The following PCDH11Y variants were observed in gnomAD, a reference collection of about 807,000 sequenced individuals.
PCDH11Y encodes the protein protocadherin 11 Y-linked.
For synonymous variants in PCDH11Y, 9 were observed against 83.6 expected (o/e 0.11, Z 4.87); for missense variants, 12 against 224.8 (o/e 0.05, Z 6.05).
chrY:5,212,570 A>C, intron 2 of PCDH11Y, among the ~76,000 whole-genome samples: 1 of 32,136 alleles, frequency 3.1e-5, no homozygotes. Flanking sequence ...AGGATATCAA[A>C]GCCAATTCTT....
intron 1 of PCDH11Y, among the ~76,000 whole-genome samples, chrY:5,088,500 C>T (rs2052735340): frequency 6.0e-5 from 2 of 33,164 alleles, no homozygotes; most frequent in African/African-American, 2.4e-4. Flanking sequence ...ACTTTCAATA[C>T]ATCATTTTAA....
intron 3 of PCDH11Y, among the ~76,000 whole-genome samples, chrY:5,522,105 C>T (rs2053381975): frequency 3.1e-5 from 1 of 32,208 alleles, no homozygotes; most frequent in African/African-American, 1.2e-4. Context: ...GATCTCCTGA[C>T]CTTGTGATCC....
intron 1 of PCDH11Y, among the ~76,000 whole-genome samples, chrY:5,012,668 GT>G (rs751005442): frequency 6.4e-3 from 96 of 14,907 alleles, no homozygotes; most frequent in Middle Eastern, 0.062. Flanking sequence ...TCATTTTAGG[GT>G]TTTTTTTTTT....
intron 2 of PCDH11Y, among the ~76,000 whole-genome samples, chrY:5,431,024 C>T (rs2053268413): frequency 3.1e-5 from 1 of 32,100 alleles, no homozygotes. Flanking sequence ...CATTAAAGAA[C>T]CAATGCATGA....
intron 2 of PCDH11Y, among the ~76,000 whole-genome samples, chrY:5,362,911 T>A (rs2053175888): frequency 3.1e-5 from 1 of 32,403 alleles, no homozygotes; most frequent in Non-Finnish European, 7.6e-5. Context: ...AGGCTTTTTT[T>A]AATGGTATGT....
chrY:5,646,810 G>A, intron 4 of PCDH11Y, among the ~76,000 whole-genome samples: 4 of 32,253 alleles, frequency 1.2e-4, no homozygotes, highest in Non-Finnish European at 2.3e-4. Context: ...TCTCAAATGA[G>A]CCAGTCTTAT....
intron 2 of PCDH11Y, among the ~76,000 whole-genome samples, chrY:5,447,461 GT>G (rs1184508205): frequency 5.4e-4 from 15 of 27,822 alleles, no homozygotes; most frequent in African/African-American, 1.4e-3. Flanking sequence ...AAGATATTTT[GT>G]TTTTTTTTTT....
Position 5,246,738 on chromosome Y carries a change from C to A in PCDH11Y, c.3129+146031C>A, listed in dbSNP as rs1602892918. Among the ~76,000 whole-genome samples the A allele has an allele frequency of 2.4e-4, 8 of 33,160 alleles. No homozygotes were observed. In the East Asian group the frequency reaches 6.4e-3, roughly 27 times the overall value. The allele number at this position is 33,160 out of a possible 37,273, so 89.0% of individuals were successfully genotyped here. A position where few individuals can be genotyped will look rare whatever the true frequency, so the allele number is the denominator to read the frequency against. ...TCAAATTCACCCATAACAATATTAA[C>A]CTTAAAGGTAAATGGGCTAAATGCC... On this transcript the variant is annotated intron_variant, in intron 2 of 4. Transcript: ENST00000400457.
chrY:5,169,598 C>T (rs2124645399), intron 2 of PCDH11Y, among the ~76,000 whole-genome samples: 1 of 31,631 alleles, frequency 3.2e-5, no homozygotes, highest in South Asian at 7.2e-4. Context: ...CGTGGTGAAA[C>T]GGAATACTCA....
chrY:5,515,320 C>T (rs2053370769), intron 3 of PCDH11Y, among the ~76,000 whole-genome samples: 1 of 32,216 alleles, frequency 3.1e-5, no homozygotes, highest in Non-Finnish European at 7.6e-5. Flanking sequence ...CAAATTAACA[C>T]GTGCACAAAT....
At chrY:5,073,434 A>AT (rs372102617) in intron 1 of PCDH11Y, among the ~76,000 whole-genome samples, 20 of 27,960 alleles carry the variant, frequency 7.2e-4, no homozygotes, top group South Asian at 1.5e-3. Flanking sequence ...TTAGGAATTC[A>AT]TTTTTTTTTT....
At chrY:5,017,726 T>C in intron 1 of PCDH11Y, among the ~76,000 whole-genome samples, 1 of 33,290 alleles carries the variant, frequency 3.0e-5, no homozygotes, top group African/African-American at 1.2e-4. Context: ...ATGTAGTTGG[T>C]ACAAATTTAT....
chrY:5,106,593 G>C (rs1602868280), downstream of PCDH11Y, among the ~76,000 whole-genome samples: 181 of 28,140 alleles, frequency 6.4e-3, no homozygotes, highest in African/African-American at 0.025. Context: ...ATGACTGTGA[G>C]TATAACTACT....
intron 2 of PCDH11Y, among the ~76,000 whole-genome samples, chrY:5,411,931 C>T: frequency 3.0e-5 from 1 of 32,835 alleles, no homozygotes; most frequent in Admixed American, 2.8e-4. Context: ...TTTTTGGTGC[C>T]ATATGAATTT....
intron 2 of PCDH11Y, among the ~76,000 whole-genome samples, chrY:5,326,246 T>G: frequency 9.2e-5 from 3 of 32,719 alleles, no homozygotes; most frequent in Non-Finnish European, 2.2e-4. Context: ...TGAAAGTGTC[T>G]ATTTAGACTA....
At chrY:5,284,197 G>C in intron 2 of PCDH11Y, among the ~76,000 whole-genome samples, 1 of 32,480 alleles carries the variant, frequency 3.1e-5, no homozygotes, top group Admixed American at 2.9e-4. Context: ...ATCCTACCTT[G>C]GTTCCTTATA....
chrY:5,605,039 T>A, intron 4 of PCDH11Y, among the ~76,000 whole-genome samples: 4 of 33,401 alleles, frequency 1.2e-4, no homozygotes, highest in African/African-American at 4.6e-4. Flanking sequence ...TCATCTCTGT[T>A]ATTACAAATG....
At chrY:5,477,625 G>A in intron 2 of PCDH11Y, among the ~76,000 whole-genome samples, 1 of 31,662 alleles carries the variant, frequency 3.2e-5, no homozygotes, top group Non-Finnish European at 7.7e-5. Context: ...ATTCGGCTAT[G>A]AATCCATCTG....
At chrY:5,208,725 T>A (rs2124650730) in intron 2 of PCDH11Y, among the ~76,000 whole-genome samples, 1 of 34,439 alleles carries the variant, frequency 2.9e-5, no homozygotes, top group East Asian at 7.6e-4. Flanking sequence ...CTGTCCTAAT[T>A]TTTACTCTAC....
Sources: allele counts gnomAD v4.1 joint callset (sites outside exome capture counted in the v4.1 genomes callset), GRCh38; gene constraint gnomAD v4.1.1; transcripts MANE v1.5; gene names NCBI Gene and HGNC (gene_info 2026-07-23, HGNC 2026-07-21).